DYRK4: variants seen among roughly 807,000 people sequenced by gnomAD.
DYRK4 encodes dual specificity tyrosine-phosphorylation-regulated kinase 4.
DYRK4 carries 64 observed loss-of-function variants against 68.3 expected under a neutral mutation model. The ratio of observed to expected loss-of-function variants is 0.94; its 90% CI spans 0.77 to 1.15. The LOEUF (loss-of-function observed/expected upper bound fraction) is 1.15. Ranked by LOEUF, DYRK4 falls within the 50% of genes most tolerant of loss-of-function variation. The pLI is 0.00. For synonymous variants in DYRK4, 274 were observed against 289.9 expected (o/e 0.95, Z 0.56); for missense variants, 740 against 764.7 (o/e 0.97, Z 0.38).
In DYRK4 at chr12:4,592,945, C is replaced by T. The variant is rs1281078021; in HGVS notation, c.464-57C>T. 2.5e-5 allele frequency: 40 copies of T among 1,575,104 alleles called. 1 individual carries two copies. The South Asian group carries it at 3.0e-4, about 12-fold the overall frequency. On this transcript the variant is annotated intron_variant, in intron 5 of 14. Coordinates refer to ENST00000543431, the MANE Select transcript of DYRK4 (RefSeq NM_001394779.1). Reference sequence around the variant, plus strand: ...TGGAAGGGATGCCATCGTCTGCATCCGGGGCAAATCCCATGCTGCCTCAAC... The same window carrying T: ...TGGAAGGGATGCCATCGTCTGCATCTGGGGCAAATCCCATGCTGCCTCAAC...
At chr12:4,612,781 G>A (rs952863272) in intron 14 of DYRK4, 63 bp downstream of exon 14, 3 of 1,559,610 alleles carry the variant, frequency 1.9e-6, no homozygotes, top group Non-Finnish European at 2.6e-6. Context: ...CTAGAATTCT[G>A]TAAATCTCCT....
Position 4,599,086 on chromosome 12 carries a change from G to A in DYRK4, c.964G>A (p.Val322Ile), listed in dbSNP as rs761381002. Residue 322 changes from valine (V) to isoleucine (I), a missense_variant, in exon 9 of 15, where the codon GTT becomes ATT. Coordinates refer to ENST00000543431, the MANE Select transcript of DYRK4 (RefSeq NM_001394779.1). ...CTTTCAAGGCTTCAGTCTGTCCATA[G>A]TTCGGCGCTTCACTCTCTCTGTTTT... ...NNFQGFSLSI[V>I]RRFTLSVLKC... The A allele has an allele frequency of 6.2e-7, 1 of 1,614,048 alleles. No individual in the cohort carries two copies. Among genetic ancestry groups the A allele is most frequent in the Non-Finnish European group, 8.5e-7 (1 of 1,179,996 alleles).
intron 2 of DYRK4, among the ~76,000 whole-genome samples, chr12:4,587,490 C>G (rs745858381): frequency 6.6e-6 from 1 of 152,144 alleles, no homozygotes; most frequent in East Asian, 1.9e-4. Context: ...GTCTCCCTAC[C>G]GCATCCTCAA....
At chr12:4,573,453 C>A in intron 2 of DYRK4, 1 of 1,241,178 alleles carries the variant, frequency 8.1e-7, no homozygotes, top group Non-Finnish European at 1.1e-6. Context: ...TGGTTTCTGT[C>A]AAAGGAATGT....
chr12:4,580,393 G>T (rs868184362), intron 2 of DYRK4, among the ~76,000 whole-genome samples: 1 of 152,200 alleles, frequency 6.6e-6, no homozygotes, highest in Non-Finnish European at 1.5e-5. Flanking sequence ...CCCCATCTAG[G>T]CATCCTGGGC....
intron 13 of DYRK4, 102 bp from the exon 14 acceptor site, chr12:4,612,441 T>A: frequency 8.0e-7 from 1 of 1,254,336 alleles, no homozygotes; most frequent in Non-Finnish European, 1.1e-6. Context: ...CTTTGAGATA[T>A]CAACATAGCT....
intron 2 of DYRK4, among the ~76,000 whole-genome samples, chr12:4,586,677 C>T (rs1944899840): frequency 6.6e-6 from 1 of 150,562 alleles, no homozygotes; most frequent in South Asian, 2.1e-4. Flanking sequence ...CACTTGGTCA[C>T]CTGGGGCTGC....
intron 2 of DYRK4, among the ~76,000 whole-genome samples, chr12:4,570,883 G>T (rs757339729): frequency 1.3e-5 from 2 of 152,152 alleles, no homozygotes; most frequent in African/African-American, 4.8e-5. Context: ...TATTCATTTG[G>T]CTAACACAGG....
At chr12:4,603,770 T>C (rs963572648) in intron 10 of DYRK4, among the ~76,000 whole-genome samples, 3 of 152,244 alleles carry the variant, frequency 2.0e-5, no homozygotes, top group African/African-American at 7.2e-5. Context: ...AACTTGTATG[T>C]TTTCCCTTCT....
chr12:4,603,526 C>T (rs575983979), intron 10 of DYRK4: 46 of 220,996 alleles, frequency 2.1e-4, no homozygotes, highest in African/African-American at 7.3e-4. Context: ...GTCACAGAGA[C>T]GGCCAGGGGA....
chr12:4,567,831 C>T, intron 1 of DYRK4, 124 bp from the exon 2 acceptor site: 1 of 778,868 alleles, frequency 1.3e-6, no homozygotes, highest in South Asian at 1.8e-5. Flanking sequence ...GACCCTGCTC[C>T]TGCTTTTAGG....
chr12:4,605,894 T>G (rs537933807), intron 11 of DYRK4, among the ~76,000 whole-genome samples: 1 of 152,280 alleles, frequency 6.6e-6, no homozygotes, highest in South Asian at 2.1e-4. Context: ...GTCGTCTAAT[T>G]CGGTGACTCC....
chr12:4,610,946 G>C (rs1431420844), intron 13 of DYRK4, among the ~76,000 whole-genome samples: 1 of 152,152 alleles, frequency 6.6e-6, no homozygotes, highest in Non-Finnish European at 1.5e-5. Flanking sequence ...TATTAAAGAG[G>C]TAAATCTATC....
chr12:4,586,729 C>CACACACACACAG (rs368783190), intron 2 of DYRK4, among the ~76,000 whole-genome samples: 40,869 of 112,190 alleles, frequency 0.36, 5,720 homozygotes, highest in Middle Eastern at 0.48. Flanking sequence ...CACACACACA[C>CACACACACACAG]ACAGACACAC....
At chr12:4,570,387 T>C (rs1237441417) in intron 2 of DYRK4, among the ~76,000 whole-genome samples, 2 of 152,352 alleles carry the variant, frequency 1.3e-5, no homozygotes, top group East Asian at 3.8e-4. Context: ...GTTGTTCTGA[T>C]GGGTCTTAAA....
chr12:4,598,598 C>G (rs1372137692), intron 8 of DYRK4, among the ~76,000 whole-genome samples: 1 of 152,224 alleles, frequency 6.6e-6, no homozygotes, highest in Non-Finnish European at 1.5e-5. Flanking sequence ...CAGCCCCCAT[C>G]TGCCCACTCT....
At chr12:4,605,615 C>G (rs186569575) in intron 11 of DYRK4, among the ~76,000 whole-genome samples, 44 of 150,344 alleles carry the variant, frequency 2.9e-4, no homozygotes, top group African/African-American at 1.1e-3. Context: ...GTAAAAATTT[C>G]TTTCTGGTAA....
At chr12:4,607,269 T>G in intron 11 of DYRK4, 58 bp from the exon 12 acceptor site, 1 of 1,606,854 alleles carries the variant, frequency 6.2e-7, no homozygotes, top group Non-Finnish European at 8.5e-7. Context: ...GCTCCACCCC[T>G]CAGCCTTTGA....
Position 4,591,584 on chromosome 12 carries a change from C to G in DYRK4, c.463+286C>G. 2.7e-6 allele frequency: 1 copy of G among 364,380 alleles called. No homozygotes were observed. The highest frequency in any genetic ancestry group is 4.9e-6 in the Non-Finnish European group (1 of 202,116). The allele number at this position is 364,380 out of a possible 1,614,324, so 22.6% of individuals were successfully genotyped here. A position where few individuals can be genotyped will look rare whatever the true frequency, so the allele number is the denominator to read the frequency against. Reference sequence around the variant, plus strand: ...CTCATTTGCCTAAGGAGCCCAGACACAAGGCTCCTGTCATTTTATGGACCC... The same window carrying G: ...CTCATTTGCCTAAGGAGCCCAGACAGAAGGCTCCTGTCATTTTATGGACCC... On this transcript the variant is annotated intron_variant, in intron 5 of 14. Coordinates refer to ENST00000543431, the MANE Select transcript of DYRK4 (RefSeq NM_001394779.1). This position sits in a 1 kb window ranked among gnomAD's most constrained non-coding sequence, Gnocchi z 4.1.
Sources: gnomAD v4.1 joint callset for allele counts (sites outside exome capture counted in the v4.1 genomes callset) on GRCh38, gnomAD v4.1.1 for gene constraint, Gnocchi (gnomAD v3.1) non-coding constraint, MANE v1.5 for transcripts, NCBI Gene and HGNC (gene_info 2026-07-23, HGNC 2026-07-21) for gene names.